Variants in SLC25A21 observed in about 807,000 individuals in gnomAD.
SLC25A21 encodes the protein mitochondrial 2-oxodicarboxylate carrier.
In SLC25A21, 47 loss-of-function variants were observed where a neutral mutation model predicts 43.8. The observed-to-expected ratio is 1.07, with a 90% CI of 0.85 to 1.37. The LOEUF (loss-of-function observed/expected upper bound fraction) is 1.37, where lower values mean the gene tolerates loss of function less well. Among genes scored for constraint, SLC25A21 ranks in the 40% most tolerant of loss-of-function variants. The pLI, the probability that SLC25A21 is intolerant of heterozygous loss-of-function variation, is 0.00. For synonymous variants in SLC25A21, 131 were observed against 121.3 expected (o/e 1.08, Z -0.52); for missense variants, 352 against 350.2 (o/e 1.00, Z -0.04).
chr14:37,149,128 T>G (rs1963715886), intron 1 of SLC25A21, among the ~76,000 whole-genome samples: 1 of 151,214 alleles, frequency 6.6e-6, no homozygotes, highest in South Asian at 2.1e-4. Flanking sequence ...CACATAGACA[T>G]CATTATCACC....
chr14:36,953,426 T>C (rs1050052151), intron 1 of SLC25A21, among the ~76,000 whole-genome samples: 1 of 152,066 alleles, frequency 6.6e-6, no homozygotes, highest in East Asian at 1.9e-4. Flanking sequence ...TAGTCAGAAA[T>C]ACAAAATACA....
At chr14:37,036,548 C>G (rs996736786) in intron 1 of SLC25A21, among the ~76,000 whole-genome samples, 1 of 152,056 alleles carries the variant, frequency 6.6e-6, no homozygotes, top group African/African-American at 2.4e-5. Context: ...AGTTTGAGAC[C>G]AGCCTGGTCA....
chr14:36,847,881 GA>G (rs533536310), intron 2 of SLC25A21, among the ~76,000 whole-genome samples: 2 of 151,964 alleles, frequency 1.3e-5, no homozygotes, highest in Non-Finnish European at 2.9e-5. Flanking sequence ...TTGTTTCATT[GA>G]TAATTTCAGG....
intron 1 of SLC25A21, among the ~76,000 whole-genome samples, chr14:37,045,449 C>T (rs750558996): frequency 2.0e-5 from 3 of 152,136 alleles, no homozygotes; most frequent in Non-Finnish European, 4.4e-5. Flanking sequence ...GGAAAAAAAA[C>T]TTCACTAATA....
chr14:36,883,231 C>T (rs1464294007), intron 1 of SLC25A21, among the ~76,000 whole-genome samples: 1 of 152,184 alleles, frequency 6.6e-6, no homozygotes, highest in Non-Finnish European at 1.5e-5. Context: ...ACAACTCTCC[C>T]CTCCACTGGC....
At chr14:37,097,268 T>G (rs1278167276) in intron 1 of SLC25A21, 1 of 151,966 alleles carries the variant, frequency 6.6e-6, no homozygotes, top group Non-Finnish European at 1.5e-5. Flanking sequence ...ACCCAGCTAA[T>G]TTTTGTATTT....
At chr14:36,995,274 C>G (rs1210557131) in intron 1 of SLC25A21, among the ~76,000 whole-genome samples, 1 of 152,152 alleles carries the variant, frequency 6.6e-6, no homozygotes, top group Non-Finnish European at 1.5e-5. Flanking sequence ...ACATGGTTAT[C>G]CTAAATTATT....
chr14:37,020,169 C>T (rs1960953279), intron 1 of SLC25A21, among the ~76,000 whole-genome samples: 1 of 151,654 alleles, frequency 6.6e-6, no homozygotes, highest in South Asian at 2.1e-4. Context: ...AAATAAAACT[C>T]GATGTAGTTA....
intron 7 of SLC25A21, among the ~76,000 whole-genome samples, chr14:36,691,591 T>G (rs116243358): frequency 1.1e-4 from 17 of 152,276 alleles, no homozygotes; most frequent in African/African-American, 4.1e-4. Context: ...TCATTGGAAT[T>G]TAAAAACTGT....
chr14:36,693,651 T>C (rs575124033), intron 7 of SLC25A21, among the ~76,000 whole-genome samples: 1 of 152,304 alleles, frequency 6.6e-6, no homozygotes, highest in East Asian at 1.9e-4. Flanking sequence ...ATTTATTTTT[T>C]AAGACAGGCT....
At position 36,680,549 on chromosome 14, in the gene SLC25A21, A is replaced by C; in HGVS notation, c.*109T>G. The C allele has an allele frequency of 7.1e-7, 1 of 1,404,490 alleles. No homozygotes were observed. 87.0% of individuals were successfully genotyped at this position (1,404,490 alleles called of 1,614,324 possible). A position where few individuals can be genotyped will look rare whatever the true frequency, so the allele number is the denominator to read the frequency against. ...ATTAAAATAGATTTTGTTCTTGAAC[A>C]GTTTTCTCCTTCATAATTATACACC... On this transcript the variant is annotated 3_prime_UTR_variant, in exon 10 of 10. Coordinates refer to ENST00000331299, the MANE Select transcript of SLC25A21 (RefSeq NM_030631.4).
intron 1 of SLC25A21, among the ~76,000 whole-genome samples, chr14:37,104,992 T>C (rs1055970334): frequency 6.6e-6 from 1 of 152,268 alleles, no homozygotes; most frequent in Non-Finnish European, 1.5e-5. Flanking sequence ...GTCAGGTAAC[T>C]ATTATGATCC....
chr14:36,918,864 T>A (rs1212240894), intron 1 of SLC25A21, among the ~76,000 whole-genome samples: 1 of 151,990 alleles, frequency 6.6e-6, no homozygotes, highest in African/African-American at 2.4e-5. Flanking sequence ...GCCCGAAAGA[T>A]CCTTTTAAGT....
At chr14:36,772,148 G>A (rs536096275) in intron 3 of SLC25A21, among the ~76,000 whole-genome samples, 2 of 152,264 alleles carry the variant, frequency 1.3e-5, no homozygotes. Flanking sequence ...TCAGGAGCAA[G>A]TTTTGCCCCA....
chr14:36,931,693 G>A (rs1387784079), intron 1 of SLC25A21, among the ~76,000 whole-genome samples: 2 of 152,102 alleles, frequency 1.3e-5, no homozygotes, highest in African/African-American at 4.8e-5. Context: ...GCAGAGAAGA[G>A]CACTCAAGAA....
chr14:37,040,289 A>AGGAAGGAAGGAG (rs1412453395), intron 1 of SLC25A21, among the ~76,000 whole-genome samples: 8 of 50,008 alleles, frequency 1.6e-4, no homozygotes, highest in Non-Finnish European at 2.8e-4. Flanking sequence ...GAAGGAAGGA[A>AGGAAGGAAGGAG]AGAGAGAGAA....
chr14:37,060,628 A>C (rs979392216), intron 1 of SLC25A21, among the ~76,000 whole-genome samples: 2 of 144,466 alleles, frequency 1.4e-5, no homozygotes, highest in Admixed American at 6.8e-5. Context: ...CACACACACA[A>C]TGCAAATAAA....
intron 1 of SLC25A21, among the ~76,000 whole-genome samples, chr14:37,003,477 T>C (rs776346613): frequency 5.9e-5 from 9 of 152,230 alleles, no homozygotes; most frequent in Non-Finnish European, 8.8e-5. Context: ...GGGGGGACTA[T>C]TGTATTCATA....
At chr14:36,930,023 G>A (rs891420754) in intron 1 of SLC25A21, among the ~76,000 whole-genome samples, 2 of 152,136 alleles carry the variant, frequency 1.3e-5, no homozygotes, top group Admixed American at 6.6e-5. Flanking sequence ...AGAAACCCAA[G>A]ATAGTCATGT....
Sources: allele counts gnomAD v4.1 joint callset (sites outside exome capture counted in the v4.1 genomes callset), GRCh38; gene constraint gnomAD v4.1.1; transcripts MANE v1.5; gene names NCBI Gene and HGNC (gene_info 2026-07-23, HGNC 2026-07-21).